Variants in CEP290 observed in about 807,000 individuals in gnomAD.
The protein encoded by CEP290 is centrosomal protein 290.
CEP290 carries 317 observed loss-of-function variants against 344.9 expected under a neutral mutation model. The ratio of observed to expected loss-of-function variants is 0.92; its 90% CI spans 0.84 to 1.01. The LOEUF (loss-of-function observed/expected upper bound fraction) is 1.01, where lower values mean the gene tolerates loss of function less well. Ranked by LOEUF, CEP290 falls within the 50% of genes least tolerant of loss-of-function variation. The pLI is 0.00. For synonymous variants in CEP290, 932 were observed against 895.8 expected, an observed-to-expected ratio of 1.04 and a Z score of -0.72; for missense variants, 2,754 against 2,761.4, an observed-to-expected ratio of 1.00 and a Z score of 0.06.
At position 88,106,950 on chromosome 12, in the gene CEP290, T is replaced by C. The variant is rs1011208470; in HGVS notation, c.2587-45A>G. The C allele has an allele frequency of 1.9e-6, 3 of 1,554,958 alleles. No homozygotes were observed. The Admixed American group carries it at 5.7e-5, about 30-fold the overall frequency. On this transcript the variant is annotated intron_variant, in intron 24 of 53. Transcript: ENST00000552810. ...TATTACTTGTTGAATCTAGCTATCCTACTTTGTACAATATTGCATACTAAT... is the reference window on the plus strand; with the variant it reads ...TATTACTTGTTGAATCTAGCTATCCCACTTTGTACAATATTGCATACTAAT...
intron 38 of CEP290, 105 bp downstream of exon 38, chr12:88,080,077 A>T: frequency 1.3e-6 from 1 of 752,554 alleles, no homozygotes; most frequent in South Asian, 2.0e-5. Flanking sequence ...TTTTATTACA[A>T]CACGGAGATT....
chr12:88,141,853 C>T (rs1033666385), intron 1 of CEP290, 47 bp downstream of exon 1: 1 of 152,526 alleles, frequency 6.6e-6, no homozygotes, highest in African/African-American at 2.4e-5. Context: ...GCTAAAGAAC[C>T]TGAGCGTGGA....
At chr12:88,056,359 A>C (rs1271917933) in intron 49 of CEP290, among the ~76,000 whole-genome samples, 1 of 152,100 alleles carries the variant, frequency 6.6e-6, no homozygotes, top group East Asian at 1.9e-4. Flanking sequence ...CAATATCCAA[A>C]CTTTTCCAGA....
intron 26 of CEP290, among the ~76,000 whole-genome samples, chr12:88,099,870 C>T (rs1320366574): frequency 6.6e-6 from 1 of 151,792 alleles, no homozygotes; most frequent in African/African-American, 2.4e-5. Context: ...TCCCACCTAC[C>T]CTGATATTTT....
At chr12:88,082,789 G>C (rs1299089087) in intron 37 of CEP290, among the ~76,000 whole-genome samples, 1 of 152,188 alleles carries the variant, frequency 6.6e-6, no homozygotes, top group Non-Finnish European at 1.5e-5. Flanking sequence ...GAGTCAGACT[G>C]ACTAGTTTCA....
At chr12:88,141,453 A>G (rs927106239) in intron 1 of CEP290, 119 bp from the exon 2 acceptor site, 4 of 481,298 alleles carry the variant, frequency 8.3e-6, no homozygotes, top group African/African-American at 8.2e-5. Context: ...CAAAACAGAC[A>G]ATTGGGCCAC....
chr12:88,064,355 C>A (rs1413982712), intron 44 of CEP290, among the ~76,000 whole-genome samples: 1 of 152,030 alleles, frequency 6.6e-6, no homozygotes, highest in Non-Finnish European at 1.5e-5. Flanking sequence ...TTAATAATGT[C>A]CATACATATA....
At position 88,128,940 on chromosome 12, in the gene CEP290, A is replaced by G; in HGVS notation, c.942+6T>C. ...AAAAGTTATTATGTCAATTGAAAAA[A>G]AATACCTTCCATTCTTCTACTTTTG... On this transcript the variant is annotated splice_donor_region_variant and intron_variant, in intron 11 of 53. Coordinates refer to ENST00000552810, the MANE Select transcript of CEP290 (RefSeq NM_025114.4). The G allele has an allele frequency of 6.7e-7, 1 of 1,493,482 alleles. No individual in the cohort carries two copies. Among genetic ancestry groups the G allele is most frequent in the Non-Finnish European group, 8.9e-7 (1 of 1,128,482 alleles). The allele number at this position is 1,493,482 out of a possible 1,614,324, so 92.5% of individuals were successfully genotyped here.
chr12:88,066,554 G>A (rs1210861072), intron 44 of CEP290, among the ~76,000 whole-genome samples: 1 of 150,428 alleles, frequency 6.6e-6, no homozygotes, highest in African/African-American at 2.4e-5. Context: ...CTGCTGCCTT[G>A]GCCTCCCAAA....
chr12:88,102,849 C>A lies in CEP290; in HGVS notation c.2980G>T (p.Glu994Ter). The change falls in exon 26 of 54, where the codon GAA (glutamate) becomes TAA (stop). Residue 994 changes from glutamate to a stop codon, truncating the protein, a stop_gained. Transcript: ENST00000552810. LOFTEE classifies it high-confidence loss of function. The stretch of plus-strand genomic sequence containing the variant: ...TCACACAAACTTACCTCCAGGTGTT[C>A]CAAGTTACTTGTTCTTTGAACAAGC... The part of the protein sequence containing the change: ...NMLVQRTSNL[E>*]HLECENISLK... The A allele has an allele frequency of 6.2e-7, 1 of 1,609,350 alleles. No individual in the cohort carries two copies. Among genetic ancestry groups the A allele is most frequent in the South Asian group, 1.1e-5 (1 of 90,066 alleles).
At chr12:88,139,366 TTAAA>T (rs1414022557) in intron 4 of CEP290, 125 bp downstream of exon 4, 5 of 539,906 alleles carry the variant, frequency 9.3e-6, no homozygotes, top group Admixed American at 4.2e-5. Context: ...ATATTTATTA[TTAAA>T]TGTTATATAT....
intron 34 of CEP290, among the ~76,000 whole-genome samples, chr12:88,085,390 C>T (rs1468718868): frequency 1.3e-5 from 2 of 152,026 alleles, no homozygotes; most frequent in Non-Finnish European, 2.9e-5. Flanking sequence ...AATTCAATGG[C>T]AATTCACATA....
chr12:88,062,670 T>C (rs1555198450), intron 46 of CEP290, 22 bp downstream of exon 46: 1 of 1,531,498 alleles, frequency 6.5e-7, no homozygotes, highest in Non-Finnish European at 9.0e-7. Context: ...CCAAAACAAA[T>C]GTATGGTAAA....
chr12:88,099,890 C>G (rs1286761805), intron 26 of CEP290, among the ~76,000 whole-genome samples: 1 of 151,630 alleles, frequency 6.6e-6, no homozygotes, highest in Non-Finnish European at 1.5e-5. Flanking sequence ...TGCTATTTCC[C>G]TTATTACCAC....
chr12:88,079,705 TA>T (rs971479357), intron 38 of CEP290, among the ~76,000 whole-genome samples: 3 of 151,618 alleles, frequency 2.0e-5, no homozygotes, highest in African/African-American at 4.8e-5. Flanking sequence ...TGAGATAAAC[TA>T]AAAAAAACCC....
chr12:88,049,096 C>A lies in CEP290; in HGVS notation c.*88G>T. 1 of 700,310 alleles carries A rather than the reference C, an allele frequency of 1.4e-6. No homozygotes were observed. Among genetic ancestry groups the A allele is most frequent in the Non-Finnish European group, 2.4e-6 (1 of 420,286 alleles). 43.4% of individuals were successfully genotyped at this position (700,310 alleles called of 1,614,324 possible). On this transcript the variant is annotated 3_prime_UTR_variant, in exon 54 of 54. Transcript: ENST00000552810. ...GGTACAAGGTAGTGAGAAGGAAATA[C>A]TACAGTTCGGAGAACTGCTTATTTC...
chr12:88,132,759 A>C lies in CEP290; in HGVS notation c.442-1541T>G, dbSNP rs370929282. 3.3e-5 allele frequency among the ~76,000 whole-genome samples: 5 copies of C among 152,290 alleles called. No individual in the cohort carries two copies. In the South Asian group the frequency reaches 8.3e-4, roughly 25 times the overall value. ...CCCATCAACTTTTAAGTTCTGGGGTACATGTGTAAGATGTGCAGGTTTGTT... is the reference window on the plus strand; with the variant it reads ...CCCATCAACTTTTAAGTTCTGGGGTCCATGTGTAAGATGTGCAGGTTTGTT... On this transcript the variant is annotated intron_variant, in intron 6 of 53. Transcript: ENST00000552810.
intron 35 of CEP290, 24 bp downstream of exon 35, chr12:88,084,562 A>AT: frequency 6.3e-7 from 1 of 1,580,788 alleles, no homozygotes; most frequent in Non-Finnish European, 8.7e-7. Context: ...GGATAACAGC[A>AT]TAACTCATAA....
intron 12 of CEP290, among the ~76,000 whole-genome samples, chr12:88,125,597 T>C (rs577150322): frequency 4.2e-4 from 64 of 152,088 alleles, no homozygotes; most frequent in Non-Finnish European, 6.5e-4. Flanking sequence ...CTCTGGAAAA[T>C]AGGATTTCCA....
Sources: allele counts gnomAD v4.1 joint callset (sites outside exome capture counted in the v4.1 genomes callset), GRCh38; gene constraint gnomAD v4.1.1; transcripts MANE v1.5; gene names NCBI Gene and HGNC (gene_info 2026-07-23, HGNC 2026-07-21).